Variants in DLC1 observed in about 807,000 individuals in gnomAD.
DLC1 encodes the protein DLC1 Rho GTPase activating protein, also known as rho GTPase-activating protein 7.
Under a neutral mutation model 140.3 loss-of-function variants are expected in DLC1, and 54 were observed. The observed-to-expected ratio is 0.38, with a 90% confidence interval of 0.31 to 0.48. DLC1 has a LOEUF of 0.48. Ranked by LOEUF, DLC1 falls within the 20% of genes least tolerant of loss-of-function variation. DLC1 has a pLI of 0.96. For synonymous variants in DLC1, 986 were observed against 728.1 expected, an observed-to-expected ratio of 1.35 and a Z score of -5.70; for missense variants, 2,536 against 1,907.0, an observed-to-expected ratio of 1.33 and a Z score of -6.14.
intron 2 of DLC1, among the ~76,000 whole-genome samples, chr8:13,426,916 A>G (rs761602440): frequency 6.6e-6 from 1 of 152,122 alleles, no homozygotes; most frequent in African/African-American, 2.4e-5. Context: ...AAAATTTGTC[A>G]TATCACGAGT....
At chr8:13,436,516 AT>A (rs200714436) in intron 2 of DLC1, among the ~76,000 whole-genome samples, 1 of 151,840 alleles carries the variant, frequency 6.6e-6, no homozygotes, top group Non-Finnish European at 1.5e-5. Context: ...AGGTTCTTAG[AT>A]TTTTTTTTAA....
chr8:13,170,323 G>A (rs921177235), intron 5 of DLC1, among the ~76,000 whole-genome samples: 1 of 152,114 alleles, frequency 6.6e-6, no homozygotes, highest in African/African-American at 2.4e-5. Flanking sequence ...TCATTGAGAA[G>A]AAAATCCATT....
At chr8:13,170,546 C>A (rs553084067) in intron 5 of DLC1, among the ~76,000 whole-genome samples, 3 of 151,972 alleles carry the variant, frequency 2.0e-5, no homozygotes, top group Admixed American at 1.3e-4. Context: ...CTGGCCAACA[C>A]GGTGAAACCC....
chr8:13,562,592 G>A (rs988606431), intron 1 of DLC1, among the ~76,000 whole-genome samples: 1 of 152,148 alleles, frequency 6.6e-6, no homozygotes, highest in South Asian at 2.1e-4. Flanking sequence ...AGGCTTTTGG[G>A]AACAGATGCT....
At chr8:13,255,131 C>T (rs866971986) in intron 5 of DLC1, among the ~76,000 whole-genome samples, 5 of 152,154 alleles carry the variant, frequency 3.3e-5, no homozygotes, top group Middle Eastern at 3.4e-3. Flanking sequence ...TGCGTGCCAC[C>T]ACGCCCAGCT....
intron 4 of DLC1, among the ~76,000 whole-genome samples, chr8:13,350,672 C>T (rs1490731480): frequency 1.3e-5 from 2 of 151,974 alleles, no homozygotes; most frequent in African/African-American, 2.4e-5. Flanking sequence ...GCCTAGATGG[C>T]ACCACTGCAC....
At chr8:13,517,552 A>T (rs974593126), upstream of DLC1, among the ~76,000 whole-genome samples, 3 of 152,200 alleles carry the variant, frequency 2.0e-5, no homozygotes, top group Non-Finnish European at 4.4e-5. Context: ...AGGCTTTACC[A>T]AATATGAGTG....
intron 7 of DLC1, among the ~76,000 whole-genome samples, chr8:13,108,303 C>A (rs888800487): frequency 1.3e-5 from 2 of 152,052 alleles, no homozygotes; most frequent in African/African-American, 2.4e-5. Flanking sequence ...CAAATTGGGG[C>A]CTGATAATTT....
At chr8:13,246,225 A>G (rs1477685037) in intron 5 of DLC1, among the ~76,000 whole-genome samples, 1 of 152,120 alleles carries the variant, frequency 6.6e-6, no homozygotes, top group Admixed American at 6.5e-5. Flanking sequence ...TTAAATACAC[A>G]TTTTTATTTA....
chr8:13,247,985 C>G (rs748821985), intron 5 of DLC1, among the ~76,000 whole-genome samples: 1 of 152,194 alleles, frequency 6.6e-6, no homozygotes, highest in Non-Finnish European at 1.5e-5. Context: ...AGTTTTACAG[C>G]TTGAAACCAT....
intron 5 of DLC1, among the ~76,000 whole-genome samples, chr8:13,190,891 C>T (rs1485238023): frequency 6.6e-6 from 1 of 152,108 alleles, no homozygotes; most frequent in Non-Finnish European, 1.5e-5. Context: ...TCCGTTTCCA[C>T]CCTTTCTTCA....
At chr8:13,127,005 T>C (rs965939142) in intron 5 of DLC1, among the ~76,000 whole-genome samples, 1 of 151,360 alleles carries the variant, frequency 6.6e-6, no homozygotes, top group Non-Finnish European at 1.5e-5. Flanking sequence ...ATATGGCAGG[T>C]ACTTGTTAGG....
At chr8:13,574,467 C>G (rs1226284515) in intron 1 of DLC1, among the ~76,000 whole-genome samples, 1 of 152,020 alleles carries the variant, frequency 6.6e-6, no homozygotes, top group African/African-American at 2.4e-5. Flanking sequence ...TAGTTACACC[C>G]ATGAGATTCT....
At chr8:13,115,462 C>T in intron 6 of DLC1, 124 bp downstream of exon 6, 2 of 949,570 alleles carry the variant, frequency 2.1e-6, no homozygotes, top group Non-Finnish European at 1.5e-6. Context: ...ATGCTTACAA[C>T]ATTTTTTTTA....
At chr8:13,235,452 C>T (rs1202350166) in intron 5 of DLC1, among the ~76,000 whole-genome samples, 8 of 152,026 alleles carry the variant, frequency 5.3e-5, no homozygotes, top group African/African-American at 1.9e-4. Context: ...TATCTCTCTT[C>T]GCTTTCTTCA....
At chr8:13,456,678 T>G (rs1799404393) in intron 2 of DLC1, among the ~76,000 whole-genome samples, 1 of 152,130 alleles carries the variant, frequency 6.6e-6, no homozygotes, top group Non-Finnish European at 1.5e-5. Flanking sequence ...AGGCTGGTTT[T>G]GAACTCCTGA....
intron 5 of DLC1, among the ~76,000 whole-genome samples, chr8:13,196,001 G>T (rs865894028): frequency 6.6e-6 from 1 of 151,702 alleles, no homozygotes; most frequent in Non-Finnish European, 1.5e-5. Flanking sequence ...TAAGAATGAA[G>T]GATCATTCTA....
chr8:13,470,442 A>C (rs1319472714), intron 2 of DLC1, among the ~76,000 whole-genome samples: 1 of 152,206 alleles, frequency 6.6e-6, no homozygotes, highest in Non-Finnish European at 1.5e-5. Context: ...AACCTCATTA[A>C]AAAATGGACA....
At chr8:13,125,780 C>A (rs1389395251) in intron 5 of DLC1, among the ~76,000 whole-genome samples, 1 of 151,386 alleles carries the variant, frequency 6.6e-6, no homozygotes, top group Non-Finnish European at 1.5e-5. Context: ...TGGAGACATA[C>A]ATATACAGCT....
Sources: gnomAD v4.1 joint callset for allele counts (sites outside exome capture counted in the v4.1 genomes callset) on GRCh38, gnomAD v4.1.1 for gene constraint, MANE v1.5 for transcripts, NCBI Gene and HGNC (gene_info 2026-07-23, HGNC 2026-07-21) for gene names.